Variants in SLC6A6 observed in about 807,000 individuals in gnomAD.
The protein encoded by SLC6A6 is solute carrier family 6 member 6.
Under a neutral mutation model 68.8 loss-of-function variants are expected in SLC6A6, and 16 were observed. The ratio of observed to expected loss-of-function variants is 0.23; its 90% CI spans 0.16 to 0.35. The LOEUF (loss-of-function observed/expected upper bound fraction) is 0.35, where lower values mean the gene tolerates loss of function less well. Ranked by LOEUF, SLC6A6 falls within the 10% of genes least tolerant of loss-of-function variation. The probability of loss-of-function intolerance (pLI) is 1.00; values close to 1 mark genes in which losing one functional copy is unlikely to be tolerated. For synonymous variants in SLC6A6, 312 were observed against 315.4 expected (o/e 0.99, Z 0.12); for missense variants, 474 against 802.8 (o/e 0.59, Z 4.95).
chr3:14,449,465 G>A (rs1298975796), intron 5 of SLC6A6, among the ~76,000 whole-genome samples: 1 of 152,174 alleles, frequency 6.6e-6, no homozygotes, highest in Non-Finnish European at 1.5e-5. Context: ...TGCTGTTTTT[G>A]GAGTGGCCTG....
intron 1 of SLC6A6, among the ~76,000 whole-genome samples, chr3:14,404,139 G>A (rs1356902580): frequency 6.6e-6 from 1 of 152,224 alleles, no homozygotes; most frequent in Non-Finnish European, 1.5e-5. Flanking sequence ...CACAGCTGAC[G>A]TTCAAGTAAA....
rs1296167645 is a variant in SLC6A6, at chr3:14,472,388, C to T, written c.1209+71C>T. On this transcript the variant is annotated intron_variant, in intron 10 of 14. Coordinates refer to ENST00000622186, the MANE Select transcript of SLC6A6 (RefSeq NM_003043.6). This position sits in a 1 kb window ranked among gnomAD's most constrained non-coding sequence, Gnocchi z 4.5. ...CTGACTCTGGGAAAGACTCCTTATT[C>T]CACCTGGGAGGTGGTCAACCCCCTT... The T allele has an allele frequency of 2.1e-6, 2 of 945,690 alleles. No individual in the cohort carries two copies. Among genetic ancestry groups the T allele is most frequent in the Admixed American group, 3.5e-5 (2 of 56,884 alleles). 58.6% of individuals were successfully genotyped at this position (945,690 alleles called of 1,614,324 possible).
At chr3:14,437,792 CTTAT>C (rs576418195) in intron 2 of SLC6A6, among the ~76,000 whole-genome samples, 4 of 151,258 alleles carry the variant, frequency 2.6e-5, no homozygotes, top group African/African-American at 7.3e-5. Flanking sequence ...TCCACTTTTT[CTTAT>C]TTATTTATTT....
At position 14,481,070 on chromosome 3, in the gene SLC6A6, G is replaced by T. The variant is rs1410819670; in HGVS notation, c.1552-601G>T. Among the ~76,000 whole-genome samples, 1 of 152,216 alleles carries T rather than the reference G, an allele frequency of 6.6e-6. No homozygotes were observed. The highest frequency in any genetic ancestry group is 1.9e-4 in the East Asian group (1 of 5,192). On this transcript the variant is annotated intron_variant, in intron 13 of 14. Coordinates refer to ENST00000622186, the MANE Select transcript of SLC6A6 (RefSeq NM_003043.6). The surrounding 1 kb of genome is among the most constrained non-coding windows in gnomAD (Gnocchi z 4.7). ...TATGGTGCACTTGTTGTATGTACCT[G>T]GAGCTGCACTGGGTGTTAAAGAACT... is the stretch of plus-strand genomic sequence containing the variant.
chr3:14,407,508 T>C (rs1394442958), intron 1 of SLC6A6, among the ~76,000 whole-genome samples: 9 of 151,528 alleles, frequency 5.9e-5, no homozygotes, highest in Non-Finnish European at 1.2e-4. Flanking sequence ...CGTTTTCTTT[T>C]TCTTTTTTTT....
At chr3:14,449,046 A>G (rs1700196021) in intron 5 of SLC6A6, among the ~76,000 whole-genome samples, 1 of 152,158 alleles carries the variant, frequency 6.6e-6, no homozygotes, top group Admixed American at 6.5e-5. Flanking sequence ...TGGTTTTGCC[A>G]TTTTCAAGGT....
chr3:14,406,843 A>G (rs1699120481), intron 1 of SLC6A6, among the ~76,000 whole-genome samples: 1 of 152,136 alleles, frequency 6.6e-6, no homozygotes, highest in African/African-American at 2.4e-5. Context: ...CCAACATACA[A>G]ATAATAAACC....
chr3:14,409,331 C>G (rs936557121), intron 1 of SLC6A6, among the ~76,000 whole-genome samples: 1 of 152,358 alleles, frequency 6.6e-6, no homozygotes, highest in South Asian at 2.1e-4. Context: ...CCAGGACTTG[C>G]CCCGGAGGGT....
intron 1 of SLC6A6, among the ~76,000 whole-genome samples, chr3:14,403,210 C>A (rs1699028901): frequency 6.6e-6 from 1 of 151,642 alleles, no homozygotes; most frequent in South Asian, 2.1e-4. Context: ...ACTGTTTCAC[C>A]GTGTCCCCAG....
chr3:14,452,470 A>G (rs1366396503), intron 5 of SLC6A6, among the ~76,000 whole-genome samples: 1 of 152,204 alleles, frequency 6.6e-6, no homozygotes, highest in African/African-American at 2.4e-5. Flanking sequence ...CCTGGCATTC[A>G]GCACTGCATC....
chr3:14,420,901 A>G (rs899591581), intron 2 of SLC6A6, among the ~76,000 whole-genome samples: 2 of 152,298 alleles, frequency 1.3e-5, no homozygotes, highest in African/African-American at 2.4e-5. Flanking sequence ...AATTTCCCGA[A>G]CTTTTTTGTC....
chr3:14,411,506 C>T (rs758701103), intron 1 of SLC6A6, among the ~76,000 whole-genome samples: 11 of 152,204 alleles, frequency 7.2e-5, no homozygotes, highest in Non-Finnish European at 1.6e-4. Context: ...GACTTCAGCT[C>T]GCCCTGCTCT....
chr3:14,443,575 C>CAGGT (rs1489047954), intron 2 of SLC6A6, 49 bp from the exon 3 acceptor site: 7 of 1,255,060 alleles, frequency 5.6e-6, no homozygotes, highest in Non-Finnish European at 8.0e-6. Flanking sequence ...CTGAGACATA[C>CAGGT]AGGTGGTCCC....
intron 6 of SLC6A6, among the ~76,000 whole-genome samples, chr3:14,463,236 C>T (rs1028839720): frequency 6.6e-6 from 1 of 152,176 alleles, no homozygotes; most frequent in Admixed American, 6.5e-5. Flanking sequence ...CAGGCAGGTG[C>T]CCCCACCTCT....
rs1000392125 is a variant in SLC6A6 at position 14,481,294 on chromosome 3, A to G, written c.1552-377A>G. Among the ~76,000 whole-genome samples the G allele has an allele frequency of 6.6e-6, 1 of 152,100 alleles. No homozygotes were observed. Among genetic ancestry groups the G allele is most frequent in the African/African-American group, 2.4e-5 (1 of 41,406 alleles). On this transcript the variant is annotated intron_variant, in intron 13 of 14. Coordinates refer to ENST00000622186, the MANE Select transcript of SLC6A6 (RefSeq NM_003043.6). The surrounding 1 kb of genome is among the most constrained non-coding windows in gnomAD (Gnocchi z 4.7). Reference sequence around the variant, plus strand: ...CCAGGCAGAGGAAACAGCCCATGCCAAGACCCAGAGTTCAGTGACAGAGGA... The same window carrying G: ...CCAGGCAGAGGAAACAGCCCATGCCGAGACCCAGAGTTCAGTGACAGAGGA...
At position 14,481,623 on chromosome 3, in the gene SLC6A6, C is replaced by T. The variant is rs771809078; in HGVS notation, c.1552-48C>T. On this transcript the variant is annotated intron_variant, in intron 13 of 14. Transcript: ENST00000622186. This position sits in a 1 kb window ranked among gnomAD's most constrained non-coding sequence, Gnocchi z 4.7. Reference sequence around the variant, plus strand: ...AGTCCTAGTCCCAGAAGCCCCCCACCCCCCGATGCCCAGGACCCCTCTCCT... The same window carrying T: ...AGTCCTAGTCCCAGAAGCCCCCCACTCCCCGATGCCCAGGACCCCTCTCCT... 1.3e-5 allele frequency: 17 copies of T among 1,318,892 alleles called. No homozygotes were observed. In the South Asian group the frequency reaches 2.1e-4, roughly 16 times the overall value. The allele number at this position is 1,318,892 out of a possible 1,614,324, so 81.7% of individuals were successfully genotyped here.
At chr3:14,463,857 G>A (rs920662723) in intron 6 of SLC6A6, among the ~76,000 whole-genome samples, 1 of 152,210 alleles carries the variant, frequency 6.6e-6, no homozygotes, top group African/African-American at 2.4e-5. Flanking sequence ...GCCTGTCAGT[G>A]TCGGAGAGCC....
intron 1 of SLC6A6, among the ~76,000 whole-genome samples, chr3:14,409,084 T>A (rs923066206): frequency 1.3e-5 from 2 of 152,216 alleles, no homozygotes; most frequent in Admixed American, 6.5e-5. Context: ...CTGGGATTAC[T>A]GGCGTGAGCC....
intron 6 of SLC6A6, among the ~76,000 whole-genome samples, chr3:14,460,629 G>A (rs1385259247): frequency 6.6e-6 from 1 of 152,220 alleles, no homozygotes; most frequent in African/African-American, 2.4e-5. Context: ...GCAGAATACA[G>A]GAGAATAGTG....
Sources: allele counts gnomAD v4.1 joint callset (sites outside exome capture counted in the v4.1 genomes callset), GRCh38; gene constraint gnomAD v4.1.1; non-coding constraint Gnocchi (gnomAD v3.1); transcripts MANE v1.5; gene names NCBI Gene and HGNC (gene_info 2026-07-23, HGNC 2026-07-21).